Variants in HSF2BP observed in about 807,000 individuals in gnomAD.
HSF2BP encodes the protein heat shock factor 2-binding protein.
Under a neutral mutation model 35.0 loss-of-function variants are expected in HSF2BP, and 35 were observed. The ratio of observed to expected loss-of-function variants is 1.00; its 90% CI spans 0.76 to 1.32. The LOEUF (loss-of-function observed/expected upper bound fraction) is 1.32, where lower values mean the gene tolerates loss of function less well. Ranked by LOEUF, HSF2BP falls within the 40% of genes most tolerant of loss-of-function variation. The pLI is 0.00. For missense variants in HSF2BP, 326 were observed against 321.7 expected, an observed-to-expected ratio of 1.01 and a Z score of -0.10; for synonymous variants, 114 against 117.4, an observed-to-expected ratio of 0.97 and a Z score of 0.18.
intron 8 of HSF2BP, among the ~76,000 whole-genome samples, chr21:43,574,703 C>G (rs542608343): frequency 6.6e-6 from 1 of 152,150 alleles, no homozygotes; most frequent in Non-Finnish European, 1.5e-5. Flanking sequence ...TAGTCCTCCC[C>G]GACCCCAACA....
chr21:43,629,564 T>C (rs964793140), intron 6 of HSF2BP, among the ~76,000 whole-genome samples: 1 of 152,034 alleles, frequency 6.6e-6, no homozygotes, highest in African/African-American at 2.4e-5. Flanking sequence ...TATTCATGAT[T>C]CATGGGAGGA....
intron 4 of HSF2BP, among the ~76,000 whole-genome samples, chr21:43,640,267 T>C (rs1278396338): frequency 6.6e-6 from 1 of 152,226 alleles, no homozygotes; most frequent in Non-Finnish European, 1.5e-5. Flanking sequence ...TGCCACTGCA[T>C]GTCACTGCCT....
chr21:43,459,614 T>C, the HSF2BP span, among the ~76,000 whole-genome samples: 4 of 69,224 alleles, frequency 5.8e-5, 1 homozygote, highest in African/African-American at 2.2e-4. Context: ...GGCTTCAGCC[T>C]CCATTTCTGC....
intron 7 of HSF2BP, among the ~76,000 whole-genome samples, chr21:43,603,673 C>T (rs1381031460): frequency 1.3e-5 from 2 of 152,160 alleles, no homozygotes; most frequent in African/African-American, 4.8e-5. Flanking sequence ...GCTGGCAGCA[C>T]CAACCACCTT....
At chr21:43,614,360 C>A (rs1250023872) in intron 6 of HSF2BP, among the ~76,000 whole-genome samples, 62 of 141,082 alleles carry the variant, frequency 4.4e-4, no homozygotes, top group Non-Finnish European at 4.4e-4. Context: ...AAAGCCCTGT[C>A]TCAAAAAAAA....
intron 2 of HSF2BP, among the ~76,000 whole-genome samples, chr21:43,657,315 G>A (rs1026541713): frequency 1.3e-5 from 2 of 152,196 alleles, no homozygotes; most frequent in African/African-American, 4.8e-5. Context: ...AGCTATGATC[G>A]TGCCACTGCA....
intron 5 of HSF2BP, among the ~76,000 whole-genome samples, chr21:43,631,970 CCA>C: frequency 1.2e-5 from 1 of 85,692 alleles, no homozygotes; most frequent in Non-Finnish European, 2.2e-5. Flanking sequence ...CACTCCCCCC[CCA>C]CACACGCTCC....
intron 6 of HSF2BP, among the ~76,000 whole-genome samples, chr21:43,617,962 A>G (rs2082289753): frequency 6.6e-6 from 1 of 151,860 alleles, no homozygotes. Context: ...TCAAACAAAA[A>G]AGGAAATAAA....
At chr21:43,623,790 T>C (rs888549092) in intron 6 of HSF2BP, among the ~76,000 whole-genome samples, 1 of 152,128 alleles carries the variant, frequency 6.6e-6, no homozygotes, top group African/African-American at 2.4e-5. Flanking sequence ...AACAGGTGAT[T>C]CCGCAAAAAA....
intron 6 of HSF2BP, among the ~76,000 whole-genome samples, chr21:43,620,172 T>C (rs1252344341): frequency 1.3e-5 from 2 of 152,174 alleles, no homozygotes; most frequent in Admixed American, 6.5e-5. Flanking sequence ...ACTCTTTCAA[T>C]GCAAAGACAT....
intron 8 of HSF2BP, among the ~76,000 whole-genome samples, chr21:43,576,190 G>A (rs991486668): frequency 2.6e-4 from 39 of 151,022 alleles, no homozygotes; most frequent in Non-Finnish European, 4.9e-4. Context: ...AATCTCAGAT[G>A]TGAGGCCATC....
intron 8 of HSF2BP, among the ~76,000 whole-genome samples, chr21:43,581,320 G>A (rs1696507568): frequency 6.6e-6 from 1 of 151,890 alleles, no homozygotes; most frequent in African/African-American, 2.4e-5. Flanking sequence ...TGGGAGGCAG[G>A]GCTTGCAGTG....
intron 5 of HSF2BP, 101 bp from the exon 6 acceptor site, chr21:43,630,555 A>C: frequency 7.4e-7 from 1 of 1,350,114 alleles, no homozygotes; most frequent in Non-Finnish European, 9.8e-7. Context: ...TAATTGTAGA[A>C]TATTGTAAAA....
In HSF2BP at chr21:43,658,063, G is replaced by T. The variant is rs1296899864; in HGVS notation, c.34C>A (p.Arg12=). 6.5e-7 allele frequency: 1 copy of T among 1,535,786 alleles called. No homozygotes were observed. Among genetic ancestry groups the T allele is most frequent in the Non-Finnish European group, 8.7e-7 (1 of 1,146,244 alleles). The change falls in exon 2 of 9, where the codon CGG becomes AGG. Residue 12 remains arginine (R), a splice_region_variant and synonymous_variant. Coordinates refer to ENST00000291560, the MANE Select transcript of HSF2BP (RefSeq NM_007031.2). ...GEAGAAEEAC[R]HMGTKEEFVK... ...TCGGCCAGGGCTTCCTCACTAACCC[G>T]GCAGGCCTCCTCAGCGGCGCCCGCT...
Position 43,653,161 on chromosome 21 carries a change from CAG to C in HSF2BP, c.187+3424_187+3425del, listed in dbSNP as rs141856885. 2.1e-3 allele frequency among the ~76,000 whole-genome samples: 254 copies of C among 121,676 alleles called. 1 individual carries two copies. The highest frequency in any genetic ancestry group is 6.5e-3 in the Middle Eastern group (1 of 154). The allele number at this position is 121,676 out of a possible 152,430, so 79.8% of individuals were successfully genotyped here. A position where few individuals can be genotyped will look rare whatever the true frequency, so the allele number is the denominator to read the frequency against. ...CGGAAGAAAGAGAGAAAGAGAGACA[CAG>C]AGAGAGAGAGAGAGAGAAAAGGGAA... On this transcript the variant is annotated intron_variant, in intron 3 of 8. Transcript: ENST00000291560.
chr21:43,650,702 C>CA (rs1224885352), intron 3 of HSF2BP, among the ~76,000 whole-genome samples: 2 of 99,284 alleles, frequency 2.0e-5, no homozygotes, highest in Non-Finnish European at 3.9e-5. Context: ...TTCAGGCTTG[C>CA]TTTTTTTTTT....
At chr21:43,656,403 A>G (rs2082868775) in intron 3 of HSF2BP, among the ~76,000 whole-genome samples, 184 bp downstream of exon 3, 1 of 152,232 alleles carries the variant, frequency 6.6e-6, no homozygotes, top group Admixed American at 6.5e-5. Context: ...AACTTATACC[A>G]ACTTACATAT....
intron 6 of HSF2BP, among the ~76,000 whole-genome samples, chr21:43,622,959 A>AT: frequency 7.3e-6 from 1 of 136,662 alleles, no homozygotes; most frequent in East Asian, 2.3e-4. Context: ...AAGTAGAATC[A>AT]TATCAAACAG....
chr21:43,624,986 G>C (rs1487606293), intron 6 of HSF2BP, among the ~76,000 whole-genome samples: 4 of 152,154 alleles, frequency 2.6e-5, no homozygotes, highest in Non-Finnish European at 5.9e-5. Context: ...CAGATGTCCA[G>C]AGAACTGACA....
Sources: allele counts gnomAD v4.1 joint callset (sites outside exome capture counted in the v4.1 genomes callset), GRCh38; gene constraint gnomAD v4.1.1; transcripts MANE v1.5; gene names NCBI Gene and HGNC (gene_info 2026-07-23, HGNC 2026-07-21).